The following CRYZL1 variants were observed in gnomAD, a reference collection of about 807,000 sequenced individuals.
CRYZL1 encodes ferry endosomal RAB5 effector complex subunit 4.
In CRYZL1, 34 loss-of-function variants were observed where a neutral mutation model predicts 50.6. The ratio of observed to expected loss-of-function variants is 0.67; its 90% CI spans 0.51 to 0.89. The LOEUF is 0.89. Ranked by LOEUF, CRYZL1 falls within the 40% of genes least tolerant of loss-of-function variation. CRYZL1 has a pLI of 0.00. For synonymous variants in CRYZL1, 125 were observed against 134.3 expected (o/e 0.93, Z 0.48); for missense variants, 354 against 402.3 (o/e 0.88, Z 1.03).
At chr21:33,635,895 C>A (rs1312827498) in intron 1 of CRYZL1, among the ~76,000 whole-genome samples, 2 of 151,936 alleles carry the variant, frequency 1.3e-5, no homozygotes, top group East Asian at 2.0e-4. Flanking sequence ...GCAGGAGAAT[C>A]GCTTGAATCT....
intron 9 of CRYZL1, 113 bp downstream of exon 9, chr21:33,599,037 C>G (rs959037580): frequency 4.1e-5 from 37 of 905,778 alleles, no homozygotes; most frequent in African/African-American, 5.1e-5. Flanking sequence ...AAACCTAAAA[C>G]TGAACATCTG....
chr21:33,623,883 T>C (rs1368665030), intron 3 of CRYZL1, among the ~76,000 whole-genome samples: 5 of 152,126 alleles, frequency 3.3e-5, no homozygotes, highest in Admixed American at 6.6e-5. Flanking sequence ...GAAAGATTAC[T>C]GCAGGGTAAT....
At position 33,597,421 on chromosome 21, in the gene CRYZL1, A is replaced by T. The variant is rs912642505; in HGVS notation, c.677-20T>A. ...ATCTCACTTGCAAGGGAATAGTTTT[A>T]AAAAAAGAGAGAGAGAAGAAATATA... On this transcript the variant is annotated intron_variant, in intron 9 of 12. Transcript: ENST00000381554. The T allele has an allele frequency of 2.7e-6, 4 of 1,504,816 alleles. No homozygotes were observed. The highest frequency in any genetic ancestry group is 2.8e-6 in the Non-Finnish European group (3 of 1,089,062). The allele number at this position is 1,504,816 out of a possible 1,614,324, so 93.2% of individuals were successfully genotyped here.
At chr21:33,612,837 T>C (rs1171555233) in intron 6 of CRYZL1, among the ~76,000 whole-genome samples, 1 of 150,584 alleles carries the variant, frequency 6.6e-6, no homozygotes, top group Non-Finnish European at 1.5e-5. Flanking sequence ...ATAAGTGCTC[T>C]TTTTTTTTCT....
At chr21:33,628,759 G>A (rs2087100344) in intron 2 of CRYZL1, among the ~76,000 whole-genome samples, 1 of 151,610 alleles carries the variant, frequency 6.6e-6, no homozygotes, top group Non-Finnish European at 1.5e-5. Context: ...CAGCCAGCAT[G>A]CCTGGTTAAC....
chr21:33,636,292 G>A (rs936624083), intron 1 of CRYZL1, among the ~76,000 whole-genome samples: 1 of 152,036 alleles, frequency 6.6e-6, no homozygotes, highest in African/African-American at 2.4e-5. Flanking sequence ...TTCTATCTAG[G>A]CATTGGAGGC....
chr21:33,620,578 A>G (rs2145946320), intron 4 of CRYZL1, among the ~76,000 whole-genome samples: 1 of 151,880 alleles, frequency 6.6e-6, no homozygotes, highest in Non-Finnish European at 1.5e-5. Context: ...TGGGAGGCCG[A>G]TGTGGGCAGA....
chr21:33,640,128 T>C, intron 1 of CRYZL1: 6 of 1,545,588 alleles, frequency 3.9e-6, no homozygotes, highest in Non-Finnish European at 5.2e-6. Flanking sequence ...GCTCGGCCAA[T>C]ATGTGTATTT....
chr21:33,629,680 G>A (rs961471432), intron 2 of CRYZL1, among the ~76,000 whole-genome samples: 1 of 152,224 alleles, frequency 6.6e-6, no homozygotes, highest in Admixed American at 6.5e-5. Flanking sequence ...TCTGCAAACA[G>A]GGATGGTTTG....
intron 12 of CRYZL1, among the ~76,000 whole-genome samples, chr21:33,590,536 C>A (rs2086633781): frequency 6.6e-6 from 1 of 152,116 alleles, no homozygotes; most frequent in African/African-American, 2.4e-5. Context: ...CTGCCCCAGC[C>A]TCCCAGTAGC....
intron 9 of CRYZL1, among the ~76,000 whole-genome samples, chr21:33,597,761 G>A (rs931568454): frequency 6.6e-5 from 10 of 152,096 alleles, no homozygotes; most frequent in Non-Finnish European, 1.5e-4. Flanking sequence ...TACAAGCGCC[G>A]CCACCATGCC....
intron 3 of CRYZL1, 25 bp from the exon 4 acceptor site, chr21:33,622,093 C>T (rs1283718504): frequency 1.4e-5 from 22 of 1,579,200 alleles, no homozygotes; most frequent in Non-Finnish European, 1.7e-5. Flanking sequence ...AGGCAGTTAA[C>T]ATACTATTGT....
intron 1 of CRYZL1, among the ~76,000 whole-genome samples, chr21:33,634,640 A>T (rs190259769): frequency 8.6e-4 from 131 of 151,812 alleles, no homozygotes; most frequent in Admixed American, 2.5e-3. Flanking sequence ...CTCAGTCTGG[A>T]GTTACTAGAA....
At chr21:33,638,936 A>T (rs1328257295) in intron 1 of CRYZL1, among the ~76,000 whole-genome samples, 5 of 152,250 alleles carry the variant, frequency 3.3e-5, no homozygotes, top group Non-Finnish European at 7.3e-5. Context: ...ATGACCATTT[A>T]GTTCTCTTCT....
intron 8 of CRYZL1, among the ~76,000 whole-genome samples, chr21:33,601,127 G>A (rs988349645): frequency 6.1e-5 from 9 of 147,968 alleles, no homozygotes; most frequent in African/African-American, 2.3e-4. Context: ...AATAGAGATG[G>A]GGTTTCATCA....
Position 33,613,723 on chromosome 21 carries a change from T to C in CRYZL1, c.263-117A>G, listed in dbSNP as rs1317197705. The C allele has an allele frequency of 9.9e-6, 7 of 703,574 alleles. No individual in the cohort carries two copies. The South Asian group carries it at 1.2e-4, about 12-fold the overall frequency. 43.6% of individuals were successfully genotyped at this position (703,574 alleles called of 1,614,324 possible). A position where few individuals can be genotyped will look rare whatever the true frequency, so the allele number is the denominator to read the frequency against. ...TTTTGAGGAAGGTTCCAGTAATTAC[T>C]AGTGTGGACAAGAAAAAATTCAGAA... On this transcript the variant is annotated intron_variant, in intron 5 of 12. Coordinates refer to ENST00000381554, the MANE Select transcript of CRYZL1 (RefSeq NM_145858.3).
intron 2 of CRYZL1, among the ~76,000 whole-genome samples, chr21:33,625,791 T>A (rs2087055317): frequency 6.6e-6 from 1 of 151,894 alleles, no homozygotes; most frequent in Admixed American, 6.6e-5. Flanking sequence ...GCCCTTAAAT[T>A]TTCTTAACGC....
In CRYZL1 at chr21:33,640,953, T is replaced by C. The variant is rs1601359049; in HGVS notation, c.-7+728A>G. Reference sequence around the variant, plus strand: ...TGAAATGATAATGTCTCAGATATACTAGGCTAAATGAAACATATAATTAAA... The same window carrying C: ...TGAAATGATAATGTCTCAGATATACCAGGCTAAATGAAACATATAATTAAA... On this transcript the variant is annotated intron_variant, in intron 1 of 12. Transcript: ENST00000381554. 3.9e-5 allele frequency among the ~76,000 whole-genome samples: 6 copies of C among 152,378 alleles called. 1 individual carries two copies. In the South Asian group the frequency reaches 1.2e-3, roughly 32 times the overall value.
intron 6 of CRYZL1, among the ~76,000 whole-genome samples, chr21:33,608,097 T>C (rs377303265): frequency 1.2e-4 from 19 of 152,230 alleles, no homozygotes; most frequent in African/African-American, 3.9e-4. Flanking sequence ...CTCAGCAATT[T>C]TGAAATGTAC....
Sources: gnomAD v4.1 joint callset for allele counts (sites outside exome capture counted in the v4.1 genomes callset) on GRCh38, gnomAD v4.1.1 for gene constraint, MANE v1.5 for transcripts, NCBI Gene and HGNC (gene_info 2026-07-23, HGNC 2026-07-21) for gene names.